The following MARCHF1 variants were observed in gnomAD, a reference collection of about 807,000 sequenced individuals.
MARCHF1 encodes the protein E3 ubiquitin-protein ligase MARCHF1.
Under a neutral mutation model 54.2 loss-of-function variants are expected in MARCHF1, and 40 were observed. The ratio of observed to expected loss-of-function variants is 0.74; its 90% CI spans 0.57 to 0.96. MARCHF1 has a LOEUF of 0.96. Ranked by LOEUF, MARCHF1 falls within the 40% of genes least tolerant of loss-of-function variation. MARCHF1 has a pLI of 0.00. For synonymous variants in MARCHF1, 236 were observed against 236.3 expected (o/e 1.00, Z 0.01); for missense variants, 586 against 656.5 (o/e 0.89, Z 1.17).
At chr4:163,931,336 C>G (rs1215606827) in intron 3 of MARCHF1, among the ~76,000 whole-genome samples, 1 of 152,076 alleles carries the variant, frequency 6.6e-6, no homozygotes, top group East Asian at 1.9e-4. Context: ...ATGCATGTAT[C>G]TCCCCAAAAT....
At chr4:164,311,186 C>T (rs1183486710) in intron 1 of MARCHF1, among the ~76,000 whole-genome samples, 2 of 151,964 alleles carry the variant, frequency 1.3e-5, no homozygotes, top group Non-Finnish European at 2.9e-5. Flanking sequence ...TACTGAATTG[C>T]GGATAGATAT....
chr4:163,759,992 C>CA (rs1392586629), intron 4 of MARCHF1, among the ~76,000 whole-genome samples: 1 of 152,188 alleles, frequency 6.6e-6, no homozygotes, highest in Non-Finnish European at 1.5e-5. Flanking sequence ...TGCATTAAAA[C>CA]AACACAAGCT....
chr4:163,717,310 T>C (rs1385623480), intron 4 of MARCHF1, among the ~76,000 whole-genome samples: 1 of 151,734 alleles, frequency 6.6e-6, no homozygotes, highest in Non-Finnish European at 1.5e-5. Flanking sequence ...TCCATGTCCC[T>C]ACAAAGGACA....
At chr4:164,313,315 C>A (rs902238742) in intron 1 of MARCHF1, among the ~76,000 whole-genome samples, 1 of 145,316 alleles carries the variant, frequency 6.9e-6, no homozygotes, top group African/African-American at 2.6e-5. Context: ...TGCCACTGCA[C>A]TCCAGCCTGG....
intron 4 of MARCHF1, among the ~76,000 whole-genome samples, chr4:163,742,119 G>A (rs1300291795): frequency 6.6e-6 from 1 of 151,914 alleles, no homozygotes; most frequent in Admixed American, 6.6e-5. Flanking sequence ...TTTTTTTTAT[G>A]ATGGTGCATA....
chr4:163,633,107 A>T (rs1162644417), intron 5 of MARCHF1, among the ~76,000 whole-genome samples: 1 of 152,222 alleles, frequency 6.6e-6, no homozygotes, highest in Non-Finnish European at 1.5e-5. Flanking sequence ...CATCACCATC[A>T]TCAAAGACCA....
intron 8 of MARCHF1, among the ~76,000 whole-genome samples, chr4:163,546,285 G>C (rs77804985): frequency 0.017 from 2,521 of 152,178 alleles, 66 homozygotes; most frequent in African/African-American, 0.056. Context: ...GCCTAACTCA[G>C]ATATATATTA....
At chr4:163,929,091 T>A (rs757839880) in intron 3 of MARCHF1, among the ~76,000 whole-genome samples, 1 of 152,038 alleles carries the variant, frequency 6.6e-6, no homozygotes, top group Non-Finnish European at 1.5e-5. Context: ...AATATTTTAA[T>A]AGAGCTTAAG....
At chr4:163,937,867 T>C (rs973927142) in intron 3 of MARCHF1, among the ~76,000 whole-genome samples, 2 of 152,192 alleles carry the variant, frequency 1.3e-5, no homozygotes, top group South Asian at 2.1e-4. Context: ...AAGCAAAAAA[T>C]TTTTCAATGG....
intron 1 of MARCHF1, chr4:164,188,732 G>A: frequency 9.6e-7 from 1 of 1,037,022 alleles, no homozygotes; most frequent in South Asian, 1.3e-5. Flanking sequence ...GCGGTTCAAG[G>A]TAGTTGAAAA....
At chr4:163,742,278 T>C (rs926586110) in intron 4 of MARCHF1, among the ~76,000 whole-genome samples, 2 of 152,074 alleles carry the variant, frequency 1.3e-5, no homozygotes, top group Non-Finnish European at 2.9e-5. Context: ...TGGCAGTCAA[T>C]TATTGGCTAG....
At chr4:164,053,222 G>A (rs1754411536) in intron 2 of MARCHF1, among the ~76,000 whole-genome samples, 1 of 151,908 alleles carries the variant, frequency 6.6e-6, no homozygotes, top group Admixed American at 6.6e-5. Flanking sequence ...ATAAAAATTA[G>A]GTATCCTGAA....
intron 4 of MARCHF1, among the ~76,000 whole-genome samples, chr4:163,734,503 A>C (rs185380613): frequency 2.4e-4 from 37 of 151,976 alleles, no homozygotes; most frequent in African/African-American, 8.7e-4. Context: ...ACAAAACAGC[A>C]TCAATGATTC....
chr4:163,938,522 G>T (rs1751847584), intron 3 of MARCHF1, among the ~76,000 whole-genome samples: 2 of 152,116 alleles, frequency 1.3e-5, no homozygotes, highest in South Asian at 4.1e-4. Context: ...GTAGCCTCTA[G>T]CTCTGCCACA....
rs1001488768 is a variant in MARCHF1 at position 163,971,867 on chromosome 4, A to G, written c.-39+16634T>C. 2.4e-4 allele frequency among the ~76,000 whole-genome samples: 37 copies of G among 152,334 alleles called. 1 individual carries two copies. The highest frequency in any genetic ancestry group is 1.0e-3 in the South Asian group (5 of 4,830). On this transcript the variant is annotated intron_variant, in intron 3 of 9. Transcript: ENST00000514618. ...TTAAGCCTTCCAAATACAAGGCTAC[A>G]TACTTAAGAAGTATGGAAGCCACAT... is the stretch of plus-strand genomic sequence containing the variant.
chr4:164,119,745 G>T (rs1315622753), intron 1 of MARCHF1, among the ~76,000 whole-genome samples: 1 of 151,682 alleles, frequency 6.6e-6, no homozygotes. Context: ...TGAAACTAAG[G>T]CTAAAGCAGG....
At chr4:163,852,058 C>T (rs188050688) in intron 4 of MARCHF1, among the ~76,000 whole-genome samples, 237 of 152,130 alleles carry the variant, frequency 1.6e-3, no homozygotes, top group African/African-American at 5.5e-3. Context: ...GATTTAATTC[C>T]ATTGGTAACT....
At chr4:163,585,711 A>C in intron 8 of MARCHF1, 38 bp downstream of exon 8, 1 of 1,461,064 alleles carries the variant, frequency 6.8e-7, no homozygotes, top group Non-Finnish European at 9.1e-7. Context: ...CTGCTTTGCA[A>C]ATGGTCCCTC....
intron 3 of MARCHF1, among the ~76,000 whole-genome samples, chr4:163,882,037 C>T (rs915646312): frequency 1.3e-5 from 2 of 152,194 alleles, no homozygotes; most frequent in African/African-American, 4.8e-5. Flanking sequence ...CTAGTGTTTG[C>T]AGCATCAGCT....
Sources: gnomAD v4.1 joint callset for allele counts (sites outside exome capture counted in the v4.1 genomes callset) on GRCh38, gnomAD v4.1.1 for gene constraint, MANE v1.5 for transcripts, NCBI Gene and HGNC (gene_info 2026-07-23, HGNC 2026-07-21) for gene names.